Variants in OR2L13 observed in about 807,000 individuals in gnomAD.
OR2L13 encodes olfactory receptor family 2 subfamily L member 13, also known as olfactory receptor 2L13.
In OR2L13, 14 loss-of-function variants were observed where a neutral mutation model predicts 15.3. The ratio of observed to expected loss-of-function variants is 0.91; its 90% CI spans 0.60 to 1.43. OR2L13 has a LOEUF of 1.43. OR2L13 is among the 40% of genes most tolerant of loss of function. OR2L13 has a pLI of 0.00. For missense variants in OR2L13, 367 were observed against 387.9 expected (o/e 0.95, Z 0.45); for synonymous variants, 152 against 142.9 (o/e 1.06, Z -0.45).
At chr1:248,071,127 G>A in the OR2L13 span, among the ~76,000 whole-genome samples, 3 of 152,272 alleles carry the variant, frequency 2.0e-5, no homozygotes, top group South Asian at 4.1e-4. Context: ...CTCATTTTAT[G>A]AGGCCAACAT....
At chr1:248,060,642 C>A in the OR2L13 span, 2 of 1,515,802 alleles carry the variant, frequency 1.3e-6, no homozygotes, top group Middle Eastern at 1.7e-4. Context: ...GCTTAACTTA[C>A]CCTTGTGTCT....
the OR2L13 span, among the ~76,000 whole-genome samples, chr1:248,018,047 T>C: frequency 1.5e-4 from 23 of 151,454 alleles, no homozygotes; most frequent in Middle Eastern, 3.4e-3. Flanking sequence ...CCCAGCTACT[T>C]GGGAGGCTGA....
the OR2L13 span, among the ~76,000 whole-genome samples, chr1:248,004,562 A>T: frequency 6.6e-6 from 1 of 152,218 alleles, no homozygotes; most frequent in Non-Finnish European, 1.5e-5. Context: ...AGTTATTTTT[A>T]CACAATTTAG....
At chr1:248,038,968 A>C in the OR2L13 span, 1 of 1,614,032 alleles carries the variant, frequency 6.2e-7, no homozygotes, top group East Asian at 2.2e-5. Flanking sequence ...GAAGGGAGGA[A>C]GAAGGCCTAT....
chr1:247,965,787 C>A, the OR2L13 span: 5 of 1,600,828 alleles, frequency 3.1e-6, no homozygotes, highest in Non-Finnish European at 3.4e-6. Context: ...TGCTTATGAG[C>A]AAGAAGATCT....
At chr1:247,953,727 G>A in the OR2L13 span, among the ~76,000 whole-genome samples, 1 of 152,164 alleles carries the variant, frequency 6.6e-6, no homozygotes, top group South Asian at 2.1e-4. Context: ...TCCTCCAGGA[G>A]TCTTTGGTAC....
At chr1:248,011,516 T>A in the OR2L13 span, among the ~76,000 whole-genome samples, 2 of 152,158 alleles carry the variant, frequency 1.3e-5, no homozygotes, top group Non-Finnish European at 2.9e-5. Flanking sequence ...GTTGGGGAAG[T>A]TCTCCTGGAT....
At chr1:248,026,981 C>G in the OR2L13 span, among the ~76,000 whole-genome samples, 2 of 152,166 alleles carry the variant, frequency 1.3e-5, no homozygotes, top group Non-Finnish European at 2.9e-5. Context: ...GTTCAGGGAA[C>G]AAGGGAGATA....
At chr1:248,013,971 T>C in the OR2L13 span, among the ~76,000 whole-genome samples, 1 of 152,134 alleles carries the variant, frequency 6.6e-6, no homozygotes, top group East Asian at 1.9e-4. Context: ...GAAATGATGA[T>C]CAATGGAAGA....
chr1:248,035,178 C>T, the OR2L13 span, among the ~76,000 whole-genome samples: 7 of 151,778 alleles, frequency 4.6e-5, no homozygotes, highest in Non-Finnish European at 1.5e-5. Context: ...TGGCCAGGCA[C>T]GGTGGCTCAT....
the OR2L13 span, among the ~76,000 whole-genome samples, chr1:247,951,973 TTGTGTG>T: frequency 2.7e-5 from 4 of 149,992 alleles, no homozygotes; most frequent in South Asian, 4.2e-4. Flanking sequence ...GTGTGTGTGT[TTGTGTG>T]TGTGTGTGTG....
At chr1:248,010,934 A>G in the OR2L13 span, among the ~76,000 whole-genome samples, 344 of 151,764 alleles carry the variant, frequency 2.3e-3, 1 homozygote, top group African/African-American at 8.0e-3. Context: ...TTGAATTGGG[A>G]TATTTAGCCC....
the OR2L13 span, chr1:247,991,308 A>G: frequency 1.5e-6 from 1 of 684,680 alleles, no homozygotes; most frequent in South Asian, 2.2e-5. Flanking sequence ...GTCAAACGGA[A>G]ATTAATCTAA....
chr1:248,068,274 C>G, the OR2L13 span, among the ~76,000 whole-genome samples: 29 of 152,030 alleles, frequency 1.9e-4, 1 homozygote, highest in African/African-American at 7.0e-4. Context: ...ACACCTCACA[C>G]GGCCGGGTAC....
the OR2L13 span, among the ~76,000 whole-genome samples, chr1:247,968,145 CATA>C: frequency 1.6e-4 from 25 of 151,844 alleles, no homozygotes; most frequent in Non-Finnish European, 3.5e-4. Context: ...CATGAATAAT[CATA>C]ATAACCATAA....
chr1:247,938,612 A>AG, the OR2L13 span, among the ~76,000 whole-genome samples: 1 of 152,164 alleles, frequency 6.6e-6, no homozygotes, highest in Non-Finnish European at 1.5e-5. Flanking sequence ...GCCTACATTG[A>AG]GGGTAGTAGA....
chr1:248,034,067 GC>G, the OR2L13 span, among the ~76,000 whole-genome samples: 2,285 of 152,240 alleles, frequency 0.015, 53 homozygotes, highest in African/African-American at 0.051. Context: ...CAAATCAGCT[GC>G]AAATAATAAA....
chr1:248,061,736 G>GA, the OR2L13 span: 9 of 959,644 alleles, frequency 9.4e-6, no homozygotes, highest in South Asian at 4.2e-5. Flanking sequence ...CAAGGTAAGA[G>GA]AAAAAAATCA....
the OR2L13 span, chr1:248,041,201 G>A: frequency 3.3e-5 from 5 of 152,012 alleles, no homozygotes; most frequent in Admixed American, 6.6e-5. Flanking sequence ...CAGAAATAAC[G>A]CCGCATATCT....
Sources: gnomAD v4.1 joint callset for allele counts (sites outside exome capture counted in the v4.1 genomes callset) on GRCh38, gnomAD v4.1.1 for gene constraint, MANE v1.5 for transcripts, NCBI Gene and HGNC (gene_info 2026-07-23, HGNC 2026-07-21) for gene names.